The following SYN3 variants were observed in gnomAD, a reference collection of about 807,000 sequenced individuals.
SYN3 encodes synapsin-3.
A neutral mutation model predicts 65.8 loss-of-function variants in SYN3; 35 were observed. The observed-to-expected ratio is 0.53, with a 90% CI of 0.41 to 0.70. The LOEUF is 0.70. SYN3 is among the 30% of genes least tolerant of loss of function. SYN3 has a pLI of 0.00. For synonymous variants in SYN3, 270 were observed against 292.9 expected (o/e 0.92, Z 0.80); for missense variants, 680 against 749.0 (o/e 0.91, Z 1.08).
intron 3 of SYN3, among the ~76,000 whole-genome samples, chr22:32,963,417 G>A (rs1462649075): frequency 6.6e-6 from 1 of 151,876 alleles, no homozygotes; most frequent in Non-Finnish European, 1.5e-5. Context: ...AGGTGTTTAG[G>A]GGAAGGAAAA....
chr22:32,588,565 C>A (rs1401009561), intron 7 of SYN3, among the ~76,000 whole-genome samples: 1 of 152,182 alleles, frequency 6.6e-6, no homozygotes, highest in African/African-American at 2.4e-5. Context: ...ACTGAACCAA[C>A]CACCTTCCTA....
intron 6 of SYN3, among the ~76,000 whole-genome samples, chr22:32,730,211 C>G (rs1030446053): frequency 6.6e-6 from 1 of 152,224 alleles, no homozygotes; most frequent in Non-Finnish European, 1.5e-5. Context: ...ACTAAATGCA[C>G]ACCTTGAATA....
chr22:32,874,204 G>C lies in SYN3; in HGVS notation c.462-5079C>G, dbSNP rs16991439. On this transcript the variant is annotated intron_variant, in intron 4 of 13. Transcript: ENST00000358763. ...GCCCCTTCCTTCTCTTCCTGCCGTA[G>C]AGCCCCACTGAGCCCAAGACCTGGG... Among the ~76,000 whole-genome samples, 1,401 of 152,256 alleles carry C rather than the reference G, an allele frequency of 9.2e-3. 30 individuals carry two copies. Among genetic ancestry groups the C allele is most frequent in the African/African-American group, 0.033 (1,365 of 41,524 alleles).
chr22:32,542,527 TTC>T (rs201465559), intron 7 of SYN3, among the ~76,000 whole-genome samples: 2,430 of 150,866 alleles, frequency 0.016, 64 homozygotes, highest in African/African-American at 0.056. Flanking sequence ...TATGCGGTGC[TTC>T]TGTGTGTGTG....
intron 6 of SYN3, among the ~76,000 whole-genome samples, chr22:32,822,852 T>C (rs1456956361): frequency 1.3e-5 from 2 of 152,102 alleles, no homozygotes; most frequent in Non-Finnish European, 1.5e-5. Flanking sequence ...TAGTTCTCTA[T>C]TGATGCCAGA....
At chr22:32,735,374 A>C (rs2061325461) in intron 6 of SYN3, among the ~76,000 whole-genome samples, 1 of 152,198 alleles carries the variant, frequency 6.6e-6, no homozygotes, top group Non-Finnish European at 1.5e-5. Flanking sequence ...GGCACGTAGT[A>C]AATTCTCAAT....
chr22:32,637,630 CTTTTTT>C (rs1185407986), intron 6 of SYN3, among the ~76,000 whole-genome samples: 3 of 93,568 alleles, frequency 3.2e-5, no homozygotes, highest in Admixed American at 2.7e-4. Flanking sequence ...TTTTCTTTTT[CTTTTTT>C]TTTTTTTTTT....
At chr22:33,024,994 C>G (rs190430773) in intron 1 of SYN3, among the ~76,000 whole-genome samples, 5 of 152,322 alleles carry the variant, frequency 3.3e-5, no homozygotes, top group Non-Finnish European at 7.3e-5. Context: ...TCATCTCAGA[C>G]AGGTAAGTAT....
At chr22:32,919,673 G>T (rs968643677) in intron 4 of SYN3, among the ~76,000 whole-genome samples, 4 of 152,180 alleles carry the variant, frequency 2.6e-5, no homozygotes, top group African/African-American at 9.7e-5. Context: ...AGGAAGCCCA[G>T]AAGAATCTGG....
chr22:32,816,295 G>A (rs1268662064), intron 6 of SYN3, among the ~76,000 whole-genome samples: 1 of 152,178 alleles, frequency 6.6e-6, no homozygotes, highest in Non-Finnish European at 1.5e-5. Context: ...GGTAATTGAT[G>A]GGCATTCCTG....
intron 7 of SYN3, among the ~76,000 whole-genome samples, chr22:32,555,507 C>T (rs929393670): frequency 1.3e-5 from 2 of 152,202 alleles, no homozygotes; most frequent in African/African-American, 4.8e-5. Flanking sequence ...GAGCATGCTC[C>T]CTCCTGGTGT....
chr22:32,888,002 C>A (rs542571469), intron 4 of SYN3, among the ~76,000 whole-genome samples: 1 of 152,196 alleles, frequency 6.6e-6, no homozygotes, highest in South Asian at 2.1e-4. Flanking sequence ...ACAGCCTCAA[C>A]GACAGTTTGT....
chr22:32,951,685 C>A (rs778559385), intron 3 of SYN3, among the ~76,000 whole-genome samples: 166 of 152,324 alleles, frequency 1.1e-3, no homozygotes, highest in Non-Finnish European at 2.1e-3. Context: ...GGGACCCATA[C>A]CCAGGCCAAC....
At chr22:32,829,960 C>T (rs549829265) in intron 6 of SYN3, among the ~76,000 whole-genome samples, 33 of 152,338 alleles carry the variant, frequency 2.2e-4, no homozygotes, top group African/African-American at 7.7e-4. Context: ...GGGCCTCTCT[C>T]TGCATTGCTC....
At chr22:33,042,374 G>A (rs1273416171) in intron 1 of SYN3, among the ~76,000 whole-genome samples, 1 of 152,176 alleles carries the variant, frequency 6.6e-6, no homozygotes, top group African/African-American at 2.4e-5. Flanking sequence ...CTTACAAAAA[G>A]AAGCAAAGCC....
At chr22:32,585,956 G>GTA (rs2059022472) in intron 7 of SYN3, among the ~76,000 whole-genome samples, 3 of 58,880 alleles carry the variant, frequency 5.1e-5, no homozygotes, top group East Asian at 1.0e-3. Context: ...ATACATATAT[G>GTA]TGTATATACG....
At chr22:32,604,573 C>T (rs573310559) in intron 6 of SYN3, among the ~76,000 whole-genome samples, 1 of 142,638 alleles carries the variant, frequency 7.0e-6, no homozygotes, top group African/African-American at 2.6e-5. Context: ...AGGCCAGTCC[C>T]GTCTCATACT....
intron 6 of SYN3, among the ~76,000 whole-genome samples, chr22:32,819,337 C>T (rs1403016031): frequency 2.0e-5 from 3 of 152,210 alleles, no homozygotes; most frequent in Admixed American, 1.3e-4. Context: ...CGATGCCTTG[C>T]TGGTGAGGTC....
chr22:32,706,518 G>A (rs754522999), intron 6 of SYN3, among the ~76,000 whole-genome samples: 23 of 152,186 alleles, frequency 1.5e-4, no homozygotes, highest in African/African-American at 1.9e-4. Context: ...TATAAAAGCC[G>A]AGATAATTCA....
Sources: allele counts gnomAD v4.1 joint callset (sites outside exome capture counted in the v4.1 genomes callset), GRCh38; gene constraint gnomAD v4.1.1; transcripts MANE v1.5; gene names NCBI Gene and HGNC (gene_info 2026-07-23, HGNC 2026-07-21).